The following DLG2 variants were observed in gnomAD, a reference collection of about 807,000 sequenced individuals.
The protein encoded by DLG2 is discs large MAGUK scaffold protein 2.
In DLG2, 45 loss-of-function variants were observed where a neutral mutation model predicts 132.5. That is an observed-to-expected ratio of 0.34 (90% confidence interval 0.27 to 0.44). The LOEUF (loss-of-function observed/expected upper bound fraction) is 0.44. Ranked by LOEUF, DLG2 falls within the 20% of genes least tolerant of loss-of-function variation. The pLI is 1.00. For missense variants in DLG2, 1,045 were observed against 1,196.9 expected (o/e 0.87, Z 1.87); for synonymous variants, 424 against 419.6 (o/e 1.01, Z -0.13).
At chr11:84,085,087 T>C (rs538354477) in intron 10 of DLG2, among the ~76,000 whole-genome samples, 16 of 152,350 alleles carry the variant, frequency 1.1e-4, no homozygotes, top group African/African-American at 3.8e-4. Context: ...TTTGGTCATT[T>C]AATTGTTAAG....
At chr11:84,129,318 T>G (rs1424609386) in intron 9 of DLG2, among the ~76,000 whole-genome samples, 2 of 151,928 alleles carry the variant, frequency 1.3e-5, no homozygotes, top group Non-Finnish European at 2.9e-5. Flanking sequence ...AGGAAGAAGT[T>G]TGGGTATTCA....
intron 6 of DLG2, among the ~76,000 whole-genome samples, chr11:84,575,556 T>C (rs1269786800): frequency 6.6e-6 from 1 of 152,192 alleles, no homozygotes; most frequent in African/African-American, 2.4e-5. Flanking sequence ...GAAAATTTTG[T>C]GTGTACATAG....
chr11:84,815,652 A>C (rs1248810926), intron 6 of DLG2, among the ~76,000 whole-genome samples: 1 of 152,102 alleles, frequency 6.6e-6, no homozygotes, highest in East Asian at 1.9e-4. Context: ...AAATTACTTG[A>C]AAATTAAGAG....
At chr11:84,344,272 T>A (rs1206086196) in intron 7 of DLG2, among the ~76,000 whole-genome samples, 1 of 152,176 alleles carries the variant, frequency 6.6e-6, no homozygotes, top group Non-Finnish European at 1.5e-5. Context: ...TGACCTTGTG[T>A]GTAAAATGTC....
chr11:85,145,541 G>A (rs997005917), intron 5 of DLG2, among the ~76,000 whole-genome samples: 6 of 151,186 alleles, frequency 4.0e-5, no homozygotes, highest in Non-Finnish European at 7.4e-5. Flanking sequence ...TTCCCCCATG[G>A]CTGTTTTTTA....
chr11:85,488,250 G>A (rs1290112405), intron 3 of DLG2, among the ~76,000 whole-genome samples: 1 of 152,024 alleles, frequency 6.6e-6, no homozygotes, highest in Non-Finnish European at 1.5e-5. Flanking sequence ...TTAGCTGGGT[G>A]TAGTGTGAGG....
intron 4 of DLG2, among the ~76,000 whole-genome samples, chr11:85,180,127 CA>C (rs1053665825): frequency 6.6e-6 from 1 of 151,702 alleles, no homozygotes; most frequent in Non-Finnish European, 1.5e-5. Context: ...AAAATGCCAG[CA>C]GGATTATTTT....
chr11:84,196,427 T>C (rs972175288), intron 8 of DLG2, among the ~76,000 whole-genome samples: 7 of 151,910 alleles, frequency 4.6e-5, no homozygotes, highest in Non-Finnish European at 7.4e-5. Flanking sequence ...AAAACAACTC[T>C]CAAAGAGAAT....
At chr11:85,614,110 G>C (rs1362941901) in intron 2 of DLG2, among the ~76,000 whole-genome samples, 1 of 152,188 alleles carries the variant, frequency 6.6e-6, no homozygotes, top group Non-Finnish European at 1.5e-5. Flanking sequence ...TTTAAGAACT[G>C]TAACACTCAC....
intron 6 of DLG2, among the ~76,000 whole-genome samples, chr11:85,096,657 A>G: frequency 6.6e-6 from 1 of 152,160 alleles, no homozygotes; most frequent in East Asian, 1.9e-4. Context: ...GGCAACCCAG[A>G]TGGGACACAT....
intron 6 of DLG2, among the ~76,000 whole-genome samples, chr11:85,089,327 T>C (rs1265448995): frequency 6.6e-6 from 1 of 152,124 alleles, no homozygotes; most frequent in East Asian, 1.9e-4. Flanking sequence ...TTGTCCCCAG[T>C]TTTATGTCAA....
chr11:85,203,230 T>A (rs2081599843), intron 4 of DLG2, among the ~76,000 whole-genome samples: 1 of 151,008 alleles, frequency 6.6e-6, no homozygotes, highest in Admixed American at 6.6e-5. Flanking sequence ...ATACAAAAGA[T>A]CAATGAGATG....
At chr11:85,033,159 A>G (rs2061163716) in intron 6 of DLG2, among the ~76,000 whole-genome samples, 1 of 152,230 alleles carries the variant, frequency 6.6e-6, no homozygotes, top group African/African-American at 2.4e-5. Flanking sequence ...ATAAGATTAT[A>G]AAATAAAGAG....
At chr11:85,373,494 T>G (rs1229036998) in intron 3 of DLG2, among the ~76,000 whole-genome samples, 5 of 152,142 alleles carry the variant, frequency 3.3e-5, no homozygotes, top group African/African-American at 1.2e-4. Flanking sequence ...GATGTACTTC[T>G]TTGGAGGCAG....
intron 3 of DLG2, among the ~76,000 whole-genome samples, chr11:85,467,251 C>G (rs1171788945): frequency 2.6e-5 from 4 of 152,100 alleles, no homozygotes; most frequent in Admixed American, 6.6e-5. Flanking sequence ...CATGTAATCT[C>G]CAAACAGGGA....
intron 3 of DLG2, among the ~76,000 whole-genome samples, chr11:85,369,987 T>C (rs2084851574): frequency 6.6e-6 from 1 of 152,246 alleles, no homozygotes; most frequent in East Asian, 1.9e-4. Flanking sequence ...CATTAAAATG[T>C]AAATAGGTGA....
chr11:84,985,881 G>A (rs981113810), intron 6 of DLG2, among the ~76,000 whole-genome samples: 1 of 149,740 alleles, frequency 6.7e-6, no homozygotes, highest in Non-Finnish European at 1.5e-5. Flanking sequence ...AACCCCAGCT[G>A]CTCAGGAGGG....
intron 9 of DLG2, among the ~76,000 whole-genome samples, chr11:84,133,733 A>T (rs2094503871): frequency 6.6e-6 from 1 of 151,980 alleles, no homozygotes; most frequent in South Asian, 2.1e-4. Context: ...CTCTCACCTC[A>T]GCCTGTTTAA....
chr11:84,823,972 T>A (rs1566062793), intron 6 of DLG2, among the ~76,000 whole-genome samples: 1 of 151,936 alleles, frequency 6.6e-6, no homozygotes, highest in African/African-American at 2.4e-5. Flanking sequence ...CTAGGCATTG[T>A]GAGAAGCACT....
Sources: allele counts gnomAD v4.1 joint callset (sites outside exome capture counted in the v4.1 genomes callset), GRCh38; gene constraint gnomAD v4.1.1; transcripts MANE v1.5; gene names NCBI Gene and HGNC (gene_info 2026-07-23, HGNC 2026-07-21).